PKHD1: variants seen among roughly 807,000 people sequenced by gnomAD.
PKHD1 encodes the protein PKHD1 ciliary IPT domain containing fibrocystin/polyductin, also known as fibrocystin.
PKHD1 carries 291 observed loss-of-function variants against 412.0 expected under a neutral mutation model. The observed-to-expected ratio is 0.71, with a 90% CI of 0.64 to 0.78. PKHD1 has a LOEUF of 0.78. PKHD1 is among the 30% of genes least tolerant of loss of function. The pLI is 0.00. For missense variants in PKHD1, 4,825 were observed against 4,950.7 expected (o/e 0.97, Z 0.76); for synonymous variants, 1,777 against 1,821.5 (o/e 0.98, Z 0.62).
intron 35 of PKHD1, among the ~76,000 whole-genome samples, chr6:51,970,843 G>C (rs1793569245): frequency 6.6e-6 from 1 of 152,122 alleles, no homozygotes; most frequent in East Asian, 1.9e-4. Context: ...TGCTGTTTTG[G>C]TGACCATAGC....
chr6:51,616,128 T>C lies in PKHD1; in HGVS notation c.*2953A>G, dbSNP rs1035144933. ...TCGATAGTTTGAAATATGTATACAT[T>C]GTGGAATGGATCAGTTGAACTAATT... is the stretch of plus-strand genomic sequence containing the variant. On this transcript the variant is annotated 3_prime_UTR_variant, in exon 67 of 67. Coordinates refer to ENST00000371117, the MANE Select transcript of PKHD1 (RefSeq NM_138694.4). 1.3e-5 allele frequency: 2 copies of C among 152,254 alleles called. No individual in the cohort carries two copies. 9.4% of individuals were successfully genotyped at this position (152,254 alleles called of 1,614,324 possible).
At chr6:51,687,083 A>T (rs1777537211) in intron 60 of PKHD1, among the ~76,000 whole-genome samples, 1 of 152,148 alleles carries the variant, frequency 6.6e-6, no homozygotes, top group Admixed American at 6.6e-5. Context: ...AGTGAATGAG[A>T]AGGAAAGGGG....
intron 51 of PKHD1, among the ~76,000 whole-genome samples, chr6:51,831,423 A>G (rs1399490649): frequency 6.6e-6 from 1 of 152,158 alleles, no homozygotes; most frequent in Non-Finnish European, 1.5e-5. Context: ...TGCTTAGCTT[A>G]GCCTATTTTC....
chr6:51,943,203 C>T (rs1276174405), intron 36 of PKHD1, among the ~76,000 whole-genome samples: 3 of 151,418 alleles, frequency 2.0e-5, no homozygotes, highest in Non-Finnish European at 4.4e-5. Context: ...AAAAACACAC[C>T]TCACCAAGCT....
At chr6:51,667,138 T>C (rs1773959417) in intron 60 of PKHD1, among the ~76,000 whole-genome samples, 1 of 146,784 alleles carries the variant, frequency 6.8e-6, no homozygotes, top group African/African-American at 2.6e-5. Context: ...CCACAATGGT[T>C]GAACTAGTTT....
At chr6:51,676,627 T>C (rs1351434603) in intron 60 of PKHD1, among the ~76,000 whole-genome samples, 1 of 152,188 alleles carries the variant, frequency 6.6e-6, no homozygotes. Context: ...ATTTAACAAA[T>C]ATAAATGGTC....
rs1583702823 is a variant in PKHD1, at chr6:51,982,689, C to T, written c.5752-22663G>A. On this transcript the variant is annotated intron_variant, in intron 35 of 66. Coordinates refer to ENST00000371117, the MANE Select transcript of PKHD1 (RefSeq NM_138694.4). ...AAACACTGCGGAAGGCCGCAGGGTC[C>T]TCTGCCTAGGAAAACCAGAGACCTT... is the stretch of plus-strand genomic sequence containing the variant. Among the ~76,000 whole-genome samples the T allele has an allele frequency of 4.1e-5, 6 of 146,806 alleles. No homozygotes were observed. The South Asian group carries it at 1.3e-3, about 33-fold the overall frequency.
intron 55 of PKHD1, among the ~76,000 whole-genome samples, chr6:51,761,128 G>A (rs555191098): frequency 2.6e-5 from 4 of 152,016 alleles, no homozygotes; most frequent in Non-Finnish European, 4.4e-5. Context: ...GCACTCCCAT[G>A]TTCACAGCAA....
intron 35 of PKHD1, among the ~76,000 whole-genome samples, chr6:51,965,095 G>A (rs925957896): frequency 7.2e-5 from 11 of 151,870 alleles, no homozygotes; most frequent in African/African-American, 1.2e-4. Flanking sequence ...TAAACCTTTT[G>A]GCCAATTAAA....
At chr6:51,829,354 C>G (rs966953120) in intron 52 of PKHD1, among the ~76,000 whole-genome samples, 1 of 152,092 alleles carries the variant, frequency 6.6e-6, no homozygotes, top group African/African-American at 2.4e-5. Flanking sequence ...CAAGATTGCT[C>G]CTTGCTCGGC....
chr6:51,855,493 T>G (rs1442466142), intron 49 of PKHD1, among the ~76,000 whole-genome samples: 1 of 152,218 alleles, frequency 6.6e-6, no homozygotes, highest in Non-Finnish European at 1.5e-5. Context: ...ATGCAATGTA[T>G]AAATGCTTTG....
At chr6:52,071,552 G>T (rs1270863785) in intron 8 of PKHD1, among the ~76,000 whole-genome samples, 1 of 152,030 alleles carries the variant, frequency 6.6e-6, no homozygotes. Flanking sequence ...CCAGAGTGAA[G>T]TAAAAATCCA....
At chr6:51,961,870 T>G (rs187583916) in intron 35 of PKHD1, among the ~76,000 whole-genome samples, 1 of 152,182 alleles carries the variant, frequency 6.6e-6, no homozygotes, top group Admixed American at 6.6e-5. Flanking sequence ...AGATGCTATT[T>G]TAGGCAGTGT....
chr6:51,753,418 G>A, intron 56 of PKHD1, 65 bp from the exon 57 acceptor site: 4 of 1,340,392 alleles, frequency 3.0e-6, no homozygotes, highest in Admixed American at 1.7e-5. Context: ...CACTAGCTGG[G>A]GACCCAGCAA....
intron 35 of PKHD1, among the ~76,000 whole-genome samples, chr6:51,990,323 C>G (rs1186126579): frequency 6.6e-6 from 1 of 152,176 alleles, no homozygotes; most frequent in Non-Finnish European, 1.5e-5. Context: ...GCCATCTTGA[C>G]TTGCTACATC....
chr6:52,056,057 T>C (rs1025165668), intron 18 of PKHD1, among the ~76,000 whole-genome samples: 1 of 152,154 alleles, frequency 6.6e-6, no homozygotes, highest in Middle Eastern at 3.2e-3. Context: ...TTCACCATGA[T>C]ATGGGCCCCT....
At chr6:51,736,354 T>G (rs1783843953) in intron 60 of PKHD1, among the ~76,000 whole-genome samples, 1 of 152,184 alleles carries the variant, frequency 6.6e-6, no homozygotes, top group African/African-American at 2.4e-5. Context: ...TGTTATGGCA[T>G]TCACTGCCTG....
At chr6:52,006,321 C>G (rs1414368585) in intron 35 of PKHD1, among the ~76,000 whole-genome samples, 3 of 151,624 alleles carry the variant, frequency 2.0e-5, no homozygotes, top group African/African-American at 7.3e-5. Context: ...ATTACAGGCA[C>G]CACCACGCTG....
intron 19 of PKHD1, among the ~76,000 whole-genome samples, chr6:52,054,584 C>T (rs1210429692): frequency 7.9e-5 from 12 of 152,190 alleles, no homozygotes; most frequent in Non-Finnish European, 2.9e-5. Context: ...TGGTTTCTAA[C>T]TCAGTTAAAG....
Sources: gnomAD v4.1 joint callset for allele counts (sites outside exome capture counted in the v4.1 genomes callset) on GRCh38, gnomAD v4.1.1 for gene constraint, MANE v1.5 for transcripts, NCBI Gene and HGNC (gene_info 2026-07-23, HGNC 2026-07-21) for gene names.